DLG2: variants seen among roughly 807,000 people sequenced by gnomAD.
DLG2 encodes disks large homolog 2.
Under a neutral mutation model 132.5 loss-of-function variants are expected in DLG2, and 45 were observed. The observed-to-expected ratio is 0.34, with a 90% CI of 0.27 to 0.44. The LOEUF is 0.44. DLG2 is among the 20% of genes least tolerant of loss of function. The probability of loss-of-function intolerance (pLI) is 1.00; values close to 1 mark genes in which losing one functional copy is unlikely to be tolerated. For synonymous variants in DLG2, 424 were observed against 419.6 expected, an observed-to-expected ratio of 1.01 and a Z score of -0.13; for missense variants, 1,045 against 1,196.9, an observed-to-expected ratio of 0.87 and a Z score of 1.87.
chr11:85,468,873 G>T (rs1250662977), intron 3 of DLG2, among the ~76,000 whole-genome samples: 1 of 152,020 alleles, frequency 6.6e-6, no homozygotes, highest in Non-Finnish European at 1.5e-5. Context: ...GCCTAAGTTG[G>T]TCTTCAACTT....
intron 7 of DLG2, among the ~76,000 whole-genome samples, chr11:84,431,410 A>G (rs1030168840): frequency 1.3e-5 from 2 of 152,172 alleles, no homozygotes; most frequent in African/African-American, 4.8e-5. Flanking sequence ...AACAAATTCA[A>G]TAAATATTAA....
chr11:84,146,444 TCTC>T (rs2095085462), intron 9 of DLG2, among the ~76,000 whole-genome samples: 3 of 152,042 alleles, frequency 2.0e-5, no homozygotes, highest in Non-Finnish European at 2.9e-5. Flanking sequence ...TATCAAAACA[TCTC>T]ATGTACCCCA....
rs2089205748 is a variant in DLG2, at chr11:83,457,537, A to G, written c.*2281T>C. The G allele has an allele frequency of 6.6e-6, 1 of 152,664 alleles. No homozygotes were observed. Among genetic ancestry groups the G allele is most frequent in the South Asian group, 2.1e-4 (1 of 4,834 alleles). 9.5% of individuals were successfully genotyped at this position (152,664 alleles called of 1,614,324 possible). On this transcript the variant is annotated 3_prime_UTR_variant, in exon 28 of 28. Coordinates refer to ENST00000376104, the MANE Select transcript of DLG2 (RefSeq NM_001142699.3). ...TACAAAACCAAGGGTTGGTGGTTCAATTTGATTGTACTTAGCCACAGCAAC... is the reference window on the plus strand; with the variant it reads ...TACAAAACCAAGGGTTGGTGGTTCAGTTTGATTGTACTTAGCCACAGCAAC...
chr11:85,581,179 CTG>C (rs1259950975), intron 3 of DLG2, among the ~76,000 whole-genome samples: 2 of 152,180 alleles, frequency 1.3e-5, no homozygotes, highest in African/African-American at 4.8e-5. Flanking sequence ...TAATACTGTA[CTG>C]TGTTACAGTA....
chr11:83,547,450 G>A lies in DLG2; in HGVS notation c.1941-5592C>T, dbSNP rs1417359428. 2.6e-5 allele frequency among the ~76,000 whole-genome samples: 4 copies of A among 152,088 alleles called. No individual in the cohort carries two copies. The East Asian group carries it at 7.7e-4, about 29-fold the overall frequency. On this transcript the variant is annotated intron_variant, in intron 19 of 27. Coordinates refer to ENST00000376104, the MANE Select transcript of DLG2 (RefSeq NM_001142699.3). ...TACATGAATCCTTAGAAGTGGAAGA[G>A]GAAGACAAAAGAATGGATCAGAGAG...
At chr11:85,521,839 A>G (rs1480128206) in intron 3 of DLG2, among the ~76,000 whole-genome samples, 5 of 152,134 alleles carry the variant, frequency 3.3e-5, no homozygotes, top group African/African-American at 1.2e-4. Flanking sequence ...ACTTGACAGG[A>G]ATAATTTAGG....
intron 6 of DLG2, among the ~76,000 whole-genome samples, chr11:84,928,982 G>GTGTATATATATATATATATA (rs1400906684): frequency 6.1e-5 from 3 of 49,126 alleles, no homozygotes; most frequent in Non-Finnish European, 1.1e-4. Context: ...GTGTGTGTGT[G>GTGTATATATATATATATATA]TATATATATA....
At chr11:85,409,291 T>A (rs1434143319) in intron 3 of DLG2, among the ~76,000 whole-genome samples, 1 of 151,870 alleles carries the variant, frequency 6.6e-6, no homozygotes, top group African/African-American at 2.4e-5. Context: ...TTACATGTAA[T>A]CTGGTTCACA....
chr11:85,587,436 T>G (rs2079041576), intron 3 of DLG2, among the ~76,000 whole-genome samples: 1 of 152,220 alleles, frequency 6.6e-6, no homozygotes, highest in Non-Finnish European at 1.5e-5. Context: ...GATGGATCTT[T>G]TTATCATTAC....
chr11:84,594,484 T>A (rs80346096), intron 6 of DLG2, among the ~76,000 whole-genome samples: 9,890 of 152,028 alleles, frequency 0.065, 363 homozygotes, highest in South Asian at 0.08. Context: ...AGTGGATAAT[T>A]CACTAGGAAG....
At chr11:84,862,049 G>T (rs554644156) in intron 6 of DLG2, among the ~76,000 whole-genome samples, 4 of 114,136 alleles carry the variant, frequency 3.5e-5, no homozygotes, top group Admixed American at 1.0e-4. Context: ...GGTGGGGGGA[G>T]GGGGGAGGGA....
chr11:83,881,886 G>A (rs2066360209), intron 15 of DLG2, among the ~76,000 whole-genome samples: 1 of 152,122 alleles, frequency 6.6e-6, no homozygotes, highest in Admixed American at 6.5e-5. Flanking sequence ...TCTATCAAGA[G>A]TAAGTTTTCT....
chr11:84,391,166 GA>G (rs2098791348), intron 7 of DLG2, among the ~76,000 whole-genome samples: 1 of 152,172 alleles, frequency 6.6e-6, no homozygotes. Flanking sequence ...TCATCAGTAG[GA>G]AACTACTTAA....
At chr11:85,256,324 G>A (rs2076662884) in intron 4 of DLG2, among the ~76,000 whole-genome samples, 1 of 152,106 alleles carries the variant, frequency 6.6e-6, no homozygotes, top group Admixed American at 6.5e-5. Flanking sequence ...AACTCCAGGC[G>A]AAGATCATCT....
chr11:85,568,365 A>G (rs1327723720), intron 3 of DLG2, among the ~76,000 whole-genome samples: 2 of 152,076 alleles, frequency 1.3e-5, no homozygotes, highest in East Asian at 1.9e-4. Flanking sequence ...ATCTGTATTC[A>G]TAAGGGATGT....
intron 2 of DLG2, among the ~76,000 whole-genome samples, chr11:85,610,754 C>T (rs1456377875): frequency 2.0e-5 from 3 of 152,210 alleles, no homozygotes; most frequent in East Asian, 3.8e-4. Context: ...TACAGCAGGT[C>T]GAATATCTAG....
At chr11:85,349,416 T>TTTA (rs2083107393) in intron 3 of DLG2, among the ~76,000 whole-genome samples, 1 of 152,062 alleles carries the variant, frequency 6.6e-6, no homozygotes, top group Non-Finnish European at 1.5e-5. Flanking sequence ...TGGACTTTTT[T>TTTA]TTATTATTAT....
chr11:84,947,487 T>C (rs1032061746), intron 6 of DLG2, among the ~76,000 whole-genome samples: 4 of 152,200 alleles, frequency 2.6e-5, no homozygotes, highest in African/African-American at 9.6e-5. Context: ...GTCCCACTTA[T>C]AGTTAGGCTG....
At chr11:84,391,950 C>T (rs1011894310) in intron 7 of DLG2, among the ~76,000 whole-genome samples, 2 of 152,150 alleles carry the variant, frequency 1.3e-5, no homozygotes, top group Non-Finnish European at 2.9e-5. Flanking sequence ...GAGTGGGTCA[C>T]TGGAAATGAA....
Sources: gnomAD v4.1 joint callset for allele counts (sites outside exome capture counted in the v4.1 genomes callset) on GRCh38, gnomAD v4.1.1 for gene constraint, MANE v1.5 for transcripts, NCBI Gene and HGNC (gene_info 2026-07-23, HGNC 2026-07-21) for gene names.